KCNJ14: variants seen among roughly 807,000 people sequenced by gnomAD.
KCNJ14 encodes the protein ATP-sensitive inward rectifier potassium channel 14.
KCNJ14 carries 18 observed loss-of-function variants against 24.5 expected under a neutral mutation model. That is an observed-to-expected ratio of 0.74 (90% CI 0.51 to 1.09). KCNJ14 has a LOEUF of 1.09. Ranked by LOEUF, KCNJ14 falls within the 50% of genes least tolerant of loss-of-function variation. KCNJ14 has a pLI of 0.00. For missense variants in KCNJ14, 633 were observed against 623.0 expected (o/e 1.02, Z -0.17); for synonymous variants, 288 against 270.8 (o/e 1.06, Z -0.63).
At chr19:48,461,604 C>T in intron 1 of KCNJ14, 66 bp from the exon 2 acceptor site, 1 of 503,104 alleles carries the variant, frequency 2.0e-6, no homozygotes, top group Non-Finnish European at 3.3e-6. Context: ...CACCAGAAAG[C>T]ATGCTTGGCC....
Position 48,464,552 on chromosome 19 carries a change from T to G in KCNJ14, c.1086T>G (p.Ser362Arg). 6.2e-7 allele frequency: 1 copy of G among 1,614,144 alleles called. No individual in the cohort carries two copies. Residue 362 changes from serine to arginine, a missense_variant, in exon 3 of 3, where the codon AGT (serine) becomes AGG (arginine). Transcript: ENST00000342291. ...TYEVPGTPVC[S>R]AKELDERAEQ... ...AGGTCCCAGGGACACCGGTCTGCAG[T>G]GCTAAGGAGCTGGATGAACGGGCAG... is the stretch of plus-strand genomic sequence containing the variant.
At chr19:48,460,240 TTTTA>T (rs1971580128) in intron 1 of KCNJ14, among the ~76,000 whole-genome samples, 1 of 148,438 alleles carries the variant, frequency 6.7e-6, no homozygotes, top group East Asian at 1.9e-4. Context: ...CTTGGGGAAG[TTTTA>T]TTTATTTATT....
Position 48,464,832 on chromosome 19 carries a change from G to A in KCNJ14, c.*55G>A. On this transcript the variant is annotated 3_prime_UTR_variant, in exon 3 of 3. Coordinates refer to ENST00000342291, the MANE Select transcript of KCNJ14 (RefSeq NM_013348.4). ...GCCCCCTTCCCCAAGGTAGCAAGAT[G>A]GAGGGATGGGGCTCTCTCCTGGGAT... 7.7e-7 allele frequency: 1 copy of A among 1,294,356 alleles called. No individual in the cohort carries two copies. Among genetic ancestry groups the A allele is most frequent in the Non-Finnish European group, 1.1e-6 (1 of 914,678 alleles). 80.2% of individuals were successfully genotyped at this position (1,294,356 alleles called of 1,614,324 possible). A position where few individuals can be genotyped will look rare whatever the true frequency, so the allele number is the denominator to read the frequency against.
chr19:48,464,595 C>T lies in KCNJ14; in HGVS notation c.1129C>T (p.Leu377Phe), dbSNP rs1971637380. 2 of 1,614,040 alleles carry T rather than the reference C, an allele frequency of 1.2e-6. No individual in the cohort carries two copies. The highest frequency in any genetic ancestry group is 1.7e-6 in the Non-Finnish European group (2 of 1,180,046). Residue 377 changes from leucine to phenylalanine, a missense_variant, in exon 3 of 3, where the codon CTC becomes TTC. Coordinates refer to ENST00000342291, the MANE Select transcript of KCNJ14 (RefSeq NM_013348.4). ...DERAEQASHS[L>F]KSSFPGSLTA... ...ACGGGCAGAGCAGGCTTCCCACAGC[C>T]TCAAGTCTAGTTTCCCCGGCTCTCT...
In KCNJ14 at chr19:48,466,617, C is replaced by T. The variant is rs1341538265; in HGVS notation, c.*1840C>T. ...ATGTCAGTTTCCCCATCTGTAAAAA[C>T]GGGATATTGGAACTTGAAGTTCTTC... On this transcript the variant is annotated 3_prime_UTR_variant, in exon 3 of 3. Transcript: ENST00000342291. The T allele has an allele frequency of 6.6e-6, 1 of 152,094 alleles. No individual in the cohort carries two copies. Among genetic ancestry groups the T allele is most frequent in the Admixed American group, 6.6e-5 (1 of 15,258 alleles). 9.4% of individuals were successfully genotyped at this position (152,094 alleles called of 1,614,324 possible). A position where few individuals can be genotyped will look rare whatever the true frequency, so the allele number is the denominator to read the frequency against.
At chr19:48,460,252 A>T (rs1643484) in intron 1 of KCNJ14, among the ~76,000 whole-genome samples, 134,310 of 150,608 alleles carry the variant, frequency 0.89, 60,386 homozygotes, top group African/African-American at 0.95. Flanking sequence ...TTATTTATTT[A>T]TTTTTTTTGA....
In KCNJ14 at chr19:48,462,247, G is replaced by A. The variant is rs1163151434; in HGVS notation, c.523G>A (p.Val175Met). Reference sequence around the variant, plus strand: ...GGTGCTGCAGTGCATTGCCGGCTGCGTGCTCGACGCCTTCGTCGTGGGTGC... The same window carrying A: ...GGTGCTGCAGTGCATTGCCGGCTGCATGCTCGACGCCTTCGTCGTGGGTGC... The part of the protein sequence containing the change: ...AVVLQCIAGC[V>M]LDAFVVGAVM... The change falls in exon 2 of 3, where the codon GTG becomes ATG. Residue 175 changes from valine (V) to methionine (M), a missense_variant. Physicochemically the swap from Val to Met is conservative, Grantham distance 21 (BLOSUM62 1). Coordinates refer to ENST00000342291, the MANE Select transcript of KCNJ14 (RefSeq NM_013348.4). The surrounding 1 kb of genome is among the most constrained non-coding windows in gnomAD (Gnocchi z 4.9). 1 of 1,547,968 alleles carries A rather than the reference G, an allele frequency of 6.5e-7. No individual in the cohort carries two copies. The highest frequency in any genetic ancestry group is 2.4e-5 in the East Asian group (1 of 41,052).
rs149035039 is a variant in KCNJ14 at position 48,464,336 on chromosome 19, C to A, written c.870C>A (p.Ala290=). ...SASPLYELGR[A]ELARADFELV... is the part of the protein sequence containing the mutation. ...GTCCTCTGTATGAGCTAGGACGTGC[C>A]GAGCTGGCCAGGGCTGACTTTGAGC... The change falls in exon 3 of 3, where the codon GCC becomes GCA. Residue 290 remains alanine, a synonymous_variant. Coordinates refer to ENST00000342291, the MANE Select transcript of KCNJ14 (RefSeq NM_013348.4). 6.2e-7 allele frequency: 1 copy of A among 1,613,388 alleles called. No homozygotes were observed. The highest frequency in any genetic ancestry group is 8.5e-7 in the Non-Finnish European group (1 of 1,179,656).
chr19:48,464,350 C>A lies in KCNJ14; in HGVS notation c.884C>A (p.Ala295Asp), dbSNP rs143059922. 3 of 1,613,114 alleles carry A rather than the reference C, an allele frequency of 1.9e-6. No individual in the cohort carries two copies. The African/African-American group carries it at 4.0e-5, about 22-fold the overall frequency. Residue 295 changes from alanine to aspartate, a missense_variant, in exon 3 of 3, where the codon GCT becomes GAT. By Grantham distance (126) the Ala-to-Asp change is moderately radical. Transcript: ENST00000342291. ...CTAGGACGTGCCGAGCTGGCCAGGG[C>A]TGACTTTGAGCTGGTGGTCATTCTC... is the stretch of plus-strand genomic sequence containing the variant. The part of the protein sequence containing the change: ...YELGRAELAR[A>D]DFELVVILEG...
chr19:48,461,805 C>T lies in KCNJ14; in HGVS notation c.81C>T (p.Ala27=), dbSNP rs1201750631. 6.8e-7 allele frequency: 1 copy of T among 1,479,774 alleles called. No homozygotes were observed. Among genetic ancestry groups the T allele is most frequent in the Non-Finnish European group, 8.9e-7 (1 of 1,118,148 alleles). The allele number at this position is 1,479,774 out of a possible 1,614,324, so 91.7% of individuals were successfully genotyped here. The change falls in exon 2 of 3, where the codon GCC becomes GCT. Residue 27 remains alanine (A), a synonymous_variant. Coordinates refer to ENST00000342291, the MANE Select transcript of KCNJ14 (RefSeq NM_013348.4). ...GCCGGGCGGGCGATGAAGAGGAGGC[C>T]GGGCCCGGGTTGTGCCGCAACGGGT... is the stretch of plus-strand genomic sequence containing the variant. The part of the protein sequence containing the change: ...GDSRAGDEEE[A]GPGLCRNGWA...
chr19:48,461,124 T>C (rs1232050297), intron 1 of KCNJ14: 1 of 152,010 alleles, frequency 6.6e-6, no homozygotes, highest in East Asian at 1.9e-4. Flanking sequence ...ATCGAGACCA[T>C]CTTGGCCAAC....
chr19:48,464,915 G>A lies in KCNJ14; in HGVS notation c.*138G>A, dbSNP rs1364328601. The stretch of plus-strand genomic sequence containing the variant: ...GCTGGGTAAATGACTAGGTGGTAAG[G>A]TTCTGCCATGCCTGGTGACCCACCA... On this transcript the variant is annotated 3_prime_UTR_variant, in exon 3 of 3. Coordinates refer to ENST00000342291, the MANE Select transcript of KCNJ14 (RefSeq NM_013348.4). 1.3e-5 allele frequency: 9 copies of A among 681,844 alleles called. No homozygotes were observed. The highest frequency in any genetic ancestry group is 2.3e-5 in the Non-Finnish European group (9 of 395,280). The allele number at this position is 681,844 out of a possible 1,614,324, so 42.2% of individuals were successfully genotyped here. A position where few individuals can be genotyped will look rare whatever the true frequency, so the allele number is the denominator to read the frequency against.
intron 1 of KCNJ14, among the ~76,000 whole-genome samples, chr19:48,459,214 TG>T (rs1413201350): frequency 2.3e-5 from 3 of 130,768 alleles, no homozygotes; most frequent in African/African-American, 8.9e-5. Context: ...CACTCCAGCC[TG>T]GGCAACTAAG....
intron 1 of KCNJ14, among the ~76,000 whole-genome samples, chr19:48,459,372 C>T (rs945320515): frequency 2.0e-5 from 3 of 152,014 alleles, no homozygotes; most frequent in Non-Finnish European, 4.4e-5. Flanking sequence ...TATCTTCTCC[C>T]ATTAGTGGGT....
rs1971645733 is a variant in KCNJ14, at chr19:48,465,422, A to AT, written c.*649dup. 1.3e-5 allele frequency: 2 copies of AT among 152,196 alleles called. No homozygotes were observed. Among genetic ancestry groups the AT allele is most frequent in the Non-Finnish European group, 2.9e-5 (2 of 68,076 alleles). 9.4% of individuals were successfully genotyped at this position (152,196 alleles called of 1,614,324 possible). On this transcript the variant is annotated 3_prime_UTR_variant, in exon 3 of 3. Transcript: ENST00000342291. ...GCAAGCACTGGTGAGTCTAGGACAG[A>AT]TTTTACGTGGAGAGTTGAACTACTC...
intron 2 of KCNJ14, among the ~76,000 whole-genome samples, chr19:48,463,424 A>T (rs1430019099): frequency 6.6e-6 from 1 of 152,082 alleles, no homozygotes; most frequent in African/African-American, 2.4e-5. Flanking sequence ...CATGAATAGG[A>T]GGGACACTGG....
rs1569083685 is a variant in KCNJ14 at position 48,462,069 on chromosome 19, CG to C, written c.347del (p.Gly116AlafsTer126). 1 of 1,608,068 alleles carries C rather than the reference CG, an allele frequency of 6.2e-7. No individual in the cohort carries two copies. Among genetic ancestry groups the C allele is most frequent in the Admixed American group, 1.7e-5 (1 of 59,840 alleles). ...CCTTCTGGCTCATTGCCTCGCTGCA[CG>C]GCGACCTGGCCGCCCCGCCACCGCC... ...LAFWLIASLH[G>X]DLAAPPPPAP... On this transcript the variant is annotated frameshift_variant, in exon 2 of 3. Transcript: ENST00000342291. LOFTEE classifies it high-confidence loss of function. The surrounding 1 kb of genome is among the most constrained non-coding windows in gnomAD (Gnocchi z 4.9).
At position 48,464,742 on chromosome 19, in the gene KCNJ14, C is replaced by T; in HGVS notation, c.1276C>T (p.Leu426Phe). The T allele has an allele frequency of 1.2e-6, 2 of 1,608,460 alleles. No individual in the cohort carries two copies. The highest frequency in any genetic ancestry group is 1.7e-6 in the Non-Finnish European group (2 of 1,179,910). The part of the protein sequence containing the change: ...TEDGAASPRV[L>F]TPTLALTLPP Reference sequence around the variant, plus strand: ...AGATGGGGCTGCTAGCCCCCGAGTTCTCACACCAACCCTGGCGCTGACCCT... The same window carrying T: ...AGATGGGGCTGCTAGCCCCCGAGTTTTCACACCAACCCTGGCGCTGACCCT... The change falls in exon 3 of 3, where the codon CTC becomes TTC. Residue 426 changes from leucine (L) to phenylalanine (F), a missense_variant. Transcript: ENST00000342291.
chr19:48,459,976 C>T (rs892318975), intron 1 of KCNJ14, among the ~76,000 whole-genome samples: 1 of 150,884 alleles, frequency 6.6e-6, no homozygotes, highest in African/African-American at 2.5e-5. Context: ...GCCAAGATCG[C>T]GCTACTGCAC....
Sources: gnomAD v4.1 joint callset for allele counts (sites outside exome capture counted in the v4.1 genomes callset) on GRCh38, gnomAD v4.1.1 for gene constraint, Gnocchi (gnomAD v3.1) non-coding constraint, MANE v1.5 for transcripts, NCBI Gene and HGNC (gene_info 2026-07-23, HGNC 2026-07-21) for gene names.